The following GALNT18 variants were observed in gnomAD, a reference collection of about 807,000 sequenced individuals.
The protein encoded by GALNT18 is GalNAc-transferase 18.
A neutral mutation model predicts 69.5 loss-of-function variants in GALNT18; 44 were observed. The observed-to-expected ratio is 0.63, with a 90% CI of 0.50 to 0.81. The LOEUF is 0.81. GALNT18 is among the 40% of genes least tolerant of loss of function. The pLI is 0.00. For synonymous variants in GALNT18, 364 were observed against 318.2 expected (o/e 1.14, Z -1.53); for missense variants, 715 against 810.0 (o/e 0.88, Z 1.42).
At chr11:11,417,308 T>C (rs937076752) in intron 3 of GALNT18, among the ~76,000 whole-genome samples, 1 of 152,210 alleles carries the variant, frequency 6.6e-6, no homozygotes, top group African/African-American at 2.4e-5. Flanking sequence ...TAATTCAGCC[T>C]ATCTGGAGTG....
intron 6 of GALNT18, among the ~76,000 whole-genome samples, chr11:11,365,861 T>C (rs967982539): frequency 1.3e-5 from 2 of 152,206 alleles, no homozygotes; most frequent in Non-Finnish European, 2.9e-5. Context: ...TAAGAGGAAC[T>C]CTGTCATGTG....
intron 1 of GALNT18, among the ~76,000 whole-genome samples, chr11:11,460,199 G>T (rs55639082): frequency 3.9e-5 from 6 of 152,160 alleles, no homozygotes; most frequent in African/African-American, 1.4e-4. Flanking sequence ...TGCCATGTAA[G>T]GTAACATATT....
chr11:11,551,709 G>C (rs1459915037), intron 1 of GALNT18, among the ~76,000 whole-genome samples: 1 of 152,214 alleles, frequency 6.6e-6, no homozygotes, highest in Non-Finnish European at 1.5e-5. Flanking sequence ...CATGTGAAGA[G>C]ACCACCAAAC....
At chr11:11,384,546 A>G (rs1212812553) in intron 3 of GALNT18, among the ~76,000 whole-genome samples, 1 of 152,112 alleles carries the variant, frequency 6.6e-6, no homozygotes, top group Admixed American at 6.5e-5. Flanking sequence ...ACACTTCTTA[A>G]TGTTTTCACA....
chr11:11,449,218 A>G (rs1039052254), intron 1 of GALNT18, among the ~76,000 whole-genome samples: 2 of 152,202 alleles, frequency 1.3e-5, no homozygotes, highest in African/African-American at 4.8e-5. Flanking sequence ...CATGGCTTCA[A>G]GTCAGGACCC....
intron 2 of GALNT18, among the ~76,000 whole-genome samples, chr11:11,446,345 C>T (rs1336704684): frequency 1.3e-5 from 2 of 152,188 alleles, no homozygotes; most frequent in Non-Finnish European, 1.5e-5. Flanking sequence ...TTTCCATTTT[C>T]CCTTTAATTT....
chr11:11,558,927 A>G (rs1858396966), intron 1 of GALNT18, among the ~76,000 whole-genome samples: 1 of 152,150 alleles, frequency 6.6e-6, no homozygotes, highest in Non-Finnish European at 1.5e-5. Flanking sequence ...GTTTCTCCCC[A>G]CCTTGCCAGA....
At chr11:11,456,710 G>C (rs1855932084) in intron 1 of GALNT18, among the ~76,000 whole-genome samples, 1 of 152,172 alleles carries the variant, frequency 6.6e-6, no homozygotes, top group Non-Finnish European at 1.5e-5. Flanking sequence ...CTGTGAATGA[G>C]AGTGATGGGT....
chr11:11,536,961 G>A (rs1857787324), intron 1 of GALNT18, among the ~76,000 whole-genome samples: 1 of 152,196 alleles, frequency 6.6e-6, no homozygotes, highest in African/African-American at 2.4e-5. Context: ...TGTGGTGCTG[G>A]TTCTTCCTGG....
chr11:11,377,878 G>A lies in GALNT18; in HGVS notation c.780-499C>T, dbSNP rs960166453. 1.3e-5 allele frequency among the ~76,000 whole-genome samples: 2 copies of A among 152,140 alleles called. No homozygotes were observed. The highest frequency in any genetic ancestry group is 4.8e-5 in the African/African-American group (2 of 41,422). On this transcript the variant is annotated intron_variant, in intron 4 of 10. Coordinates refer to ENST00000227756, the MANE Select transcript of GALNT18 (RefSeq NM_198516.3). The surrounding 1 kb of genome is among the most constrained non-coding windows in gnomAD (Gnocchi z 4.6). ...GCGATGTTGCCCTGGAATGCCAGCT[G>A]TGCCACATCCACCCCCCAAAGCGTT...
At position 11,620,656 on chromosome 11, in the gene GALNT18, C is replaced by A. The variant is rs958676103; in HGVS notation, c.235+703G>T. On this transcript the variant is annotated intron_variant, in intron 1 of 10. Coordinates refer to ENST00000227756, the MANE Select transcript of GALNT18 (RefSeq NM_198516.3). The surrounding 1 kb of genome is among the most constrained non-coding windows in gnomAD (Gnocchi z 6.9). ...CTTCCAGTCTTGGGCGGAGTCATCA[C>A]CACAGTGGACAGAGACTCCAGCGCT... is the stretch of plus-strand genomic sequence containing the variant. Among the ~76,000 whole-genome samples the A allele has an allele frequency of 6.6e-6, 1 of 152,176 alleles. No homozygotes were observed. The highest frequency in any genetic ancestry group is 1.5e-5 in the Non-Finnish European group (1 of 68,032).
At chr11:11,581,487 G>A (rs1206850399) in intron 1 of GALNT18, among the ~76,000 whole-genome samples, 1 of 152,108 alleles carries the variant, frequency 6.6e-6, no homozygotes, top group African/African-American at 2.4e-5. Flanking sequence ...ATCCAAGCAA[G>A]GACAGGGGCA....
intron 1 of GALNT18, among the ~76,000 whole-genome samples, chr11:11,519,908 G>A (rs1857357905): frequency 6.6e-6 from 1 of 152,228 alleles, no homozygotes; most frequent in Admixed American, 6.5e-5. Context: ...GCCAGTGACT[G>A]TTCCCAGTGC....
chr11:11,379,897 G>T lies in GALNT18; in HGVS notation c.596-633C>A, dbSNP rs1019477735. On this transcript the variant is annotated intron_variant, in intron 3 of 10. Coordinates refer to ENST00000227756, the MANE Select transcript of GALNT18 (RefSeq NM_198516.3). Reference sequence around the variant, plus strand: ...CTGCTTCTTCATAACTGTAAATGGGGCCTGCAGCAACAGAAACAGGCCTCA... The same window carrying T: ...CTGCTTCTTCATAACTGTAAATGGGTCCTGCAGCAACAGAAACAGGCCTCA... Among the ~76,000 whole-genome samples the T allele has an allele frequency of 1.3e-5, 2 of 152,200 alleles. 1 individual carries two copies. Among genetic ancestry groups the T allele is most frequent in the African/African-American group, 4.8e-5 (2 of 41,460 alleles).
chr11:11,377,378 C>A lies in GALNT18; in HGVS notation c.781G>T (p.Ala261Ser), dbSNP rs1278099142. ...DAHVEFNVGWAEPVLTRIKEN... is the reference protein window; with the variant it reads ...DAHVEFNVGWSEPVLTRIKEN... ...TTGATGCGGGTGAGTACAGGTTCAGCCCTGGGCAGAGAGGAGACAGCCAGA... is the reference window on the plus strand; with the variant it reads ...TTGATGCGGGTGAGTACAGGTTCAGACCTGGGCAGAGAGGAGACAGCCAGA... The change falls in exon 5 of 11, where the codon GCT becomes TCT. Residue 261 changes from alanine to serine, a missense_variant and splice_region_variant. Ala to Ser is a moderately conservative substitution (Grantham distance 99, BLOSUM62 1). Transcript: ENST00000227756. This position sits in a 1 kb window ranked among gnomAD's most constrained non-coding sequence, Gnocchi z 4.6. 7 of 1,613,648 alleles carry A rather than the reference C, an allele frequency of 4.3e-6. No homozygotes were observed. The highest frequency in any genetic ancestry group is 5.9e-6 in the Non-Finnish European group (7 of 1,179,978).
Position 11,339,653 on chromosome 11 carries a change from G to T in GALNT18, c.1278+1166C>A, listed in dbSNP as rs1850169182. Reference sequence around the variant, plus strand: ...TCTTACTGTCAGGAATGCAATCCCGGGCTGGTACATTAGAGTTGGCTGCAC... The same window carrying T: ...TCTTACTGTCAGGAATGCAATCCCGTGCTGGTACATTAGAGTTGGCTGCAC... On this transcript the variant is annotated intron_variant, in intron 7 of 10. Transcript: ENST00000227756. This position sits in a 1 kb window ranked among gnomAD's most constrained non-coding sequence, Gnocchi z 5.2. Among the ~76,000 whole-genome samples the T allele has an allele frequency of 6.6e-6, 1 of 152,148 alleles. No individual in the cohort carries two copies. The highest frequency in any genetic ancestry group is 6.5e-5 in the Admixed American group (1 of 15,282).
At chr11:11,502,614 T>C (rs762230546) in intron 1 of GALNT18, among the ~76,000 whole-genome samples, 1 of 152,240 alleles carries the variant, frequency 6.6e-6, no homozygotes, top group Non-Finnish European at 1.5e-5. Context: ...TTTATGTGTC[T>C]GTTTTTAAGG....
intron 3 of GALNT18, among the ~76,000 whole-genome samples, chr11:11,412,845 T>A (rs1166650917): frequency 6.6e-6 from 1 of 152,160 alleles, no homozygotes; most frequent in Non-Finnish European, 1.5e-5. Flanking sequence ...TTCATTCAAA[T>A]GCACAGAAGG....
At chr11:11,385,951 T>C (rs996258124) in intron 3 of GALNT18, among the ~76,000 whole-genome samples, 11 of 152,002 alleles carry the variant, frequency 7.2e-5, no homozygotes, top group African/African-American at 1.9e-4. Context: ...TAGGAAGTCA[T>C]GTGAAGAGGA....
Sources: gnomAD v4.1 joint callset for allele counts (sites outside exome capture counted in the v4.1 genomes callset) on GRCh38, gnomAD v4.1.1 for gene constraint, Gnocchi (gnomAD v3.1) non-coding constraint, MANE v1.5 for transcripts, NCBI Gene and HGNC (gene_info 2026-07-23, HGNC 2026-07-21) for gene names.